Variants in TAMM41 observed in about 807,000 individuals in gnomAD.
TAMM41 encodes the protein phosphatidate cytidylyltransferase, mitochondrial.
A neutral mutation model predicts 44.1 loss-of-function variants in TAMM41; 36 were observed. The observed-to-expected ratio is 0.82, with a 90% CI of 0.63 to 1.08. The LOEUF is 1.08. Among genes scored for constraint, TAMM41 ranks in the 50% least tolerant of loss-of-function variants. TAMM41 has a pLI of 0.00. For missense variants in TAMM41, 417 were observed against 404.3 expected, an observed-to-expected ratio of 1.03 and a Z score of -0.27; for synonymous variants, 164 against 153.1, an observed-to-expected ratio of 1.07 and a Z score of -0.53.
chr3:11,816,851 G>A (rs550772404), intron 5 of TAMM41, among the ~76,000 whole-genome samples: 16 of 152,202 alleles, frequency 1.1e-4, no homozygotes, highest in Admixed American at 3.9e-4. Flanking sequence ...AAATGGGTCT[G>A]GGGATGGAAT....
the TAMM41 span, among the ~76,000 whole-genome samples, chr3:11,758,646 C>T: frequency 1.6e-4 from 24 of 152,044 alleles, no homozygotes; most frequent in South Asian, 4.2e-4. Context: ...CCACTGCACC[C>T]GGCCAGATCT....
At chr3:11,820,136 G>A (rs572083936) in intron 4 of TAMM41, among the ~76,000 whole-genome samples, 2 of 152,170 alleles carry the variant, frequency 1.3e-5, no homozygotes, top group Non-Finnish European at 2.9e-5. Context: ...TGTGAATGGA[G>A]TGGTGGCTGA....
the TAMM41 span, among the ~76,000 whole-genome samples, chr3:11,757,859 C>T: frequency 3.3e-5 from 5 of 152,316 alleles, no homozygotes; most frequent in Middle Eastern, 6.8e-3. Context: ...CCCTGAGCAG[C>T]TGCTCAGGAG....
chr3:11,770,393 C>T, the TAMM41 span, among the ~76,000 whole-genome samples: 7 of 152,166 alleles, frequency 4.6e-5, no homozygotes, highest in African/African-American at 1.7e-4. Context: ...CTGTCCAAGC[C>T]CCTTCCCCTT....
At chr3:11,815,467 G>A (rs1034956444) in intron 5 of TAMM41, among the ~76,000 whole-genome samples, 1 of 152,116 alleles carries the variant, frequency 6.6e-6, no homozygotes, top group Admixed American at 6.5e-5. Context: ...ACTGACCTAA[G>A]CAACTGAAAA....
the TAMM41 span, among the ~76,000 whole-genome samples, chr3:11,773,221 T>C: frequency 6.6e-6 from 1 of 152,026 alleles, no homozygotes; most frequent in Non-Finnish European, 1.5e-5. Flanking sequence ...CTTCCCAAAG[T>C]GCTGGGATTA....
At chr3:11,764,486 C>T in the TAMM41 span, among the ~76,000 whole-genome samples, 119 of 68,110 alleles carry the variant, frequency 1.7e-3, 1 homozygote, top group African/African-American at 4.0e-3. Flanking sequence ...TAATCTTATT[C>T]TTTTTTTTTT....
rs756475452 is a variant in TAMM41, at chr3:11,846,622, C to A, written c.15G>T (p.Thr5=). ...GGAAGGTCACCCACGAGCTCTGCAG[C>A]GTCTGCAGCGCCATGGGGTCGAGGC... The part of the protein sequence containing the change: MALQ[T]LQSSWVTFRK... Residue 5 remains threonine, a synonymous_variant, in exon 1 of 8, where the codon ACG becomes ACT. Coordinates refer to ENST00000455809, the MANE Select transcript of TAMM41 (RefSeq NM_001284401.2). 6.2e-7 allele frequency: 1 copy of A among 1,614,182 alleles called. No homozygotes were observed. The highest frequency in any genetic ancestry group is 1.1e-5 in the South Asian group (1 of 91,086).
chr3:11,748,416 G>C, the TAMM41 span, among the ~76,000 whole-genome samples: 1 of 151,858 alleles, frequency 6.6e-6, no homozygotes. Context: ...CGAGTAGCTG[G>C]AACTACAGGC....
chr3:11,806,660 A>G (rs1237018391), intron 7 of TAMM41, among the ~76,000 whole-genome samples: 2 of 152,154 alleles, frequency 1.3e-5, no homozygotes, highest in Non-Finnish European at 2.9e-5. Context: ...AACAGAGAAA[A>G]CAGATGGGAC....
chr3:11,803,813 A>G (rs1251021153), intron 7 of TAMM41, among the ~76,000 whole-genome samples: 7 of 152,238 alleles, frequency 4.6e-5, no homozygotes, highest in Non-Finnish European at 1.0e-4. Context: ...GGCCACGTGT[A>G]TAAGTGAAAT....
the TAMM41 span, among the ~76,000 whole-genome samples, chr3:11,736,553 C>A: frequency 1.4e-4 from 21 of 152,308 alleles, no homozygotes; most frequent in Admixed American, 9.8e-4. Flanking sequence ...GATAGGCCCA[C>A]TGTAGTGAGG....
the TAMM41 span, among the ~76,000 whole-genome samples, chr3:11,752,654 T>G: frequency 7.7e-6 from 1 of 129,754 alleles, no homozygotes; most frequent in Non-Finnish European, 1.6e-5. Context: ...TTTTTTTTTT[T>G]TGAGACAGGG....
intron 4 of TAMM41, among the ~76,000 whole-genome samples, chr3:11,821,621 T>C (rs2125002541): frequency 6.6e-6 from 1 of 152,340 alleles, no homozygotes; most frequent in African/African-American, 2.4e-5. Context: ...TATTAGAGAA[T>C]GCTTTGTAAG....
chr3:11,841,567 A>G (rs1390204565), intron 2 of TAMM41, among the ~76,000 whole-genome samples: 2 of 152,266 alleles, frequency 1.3e-5, no homozygotes, highest in Non-Finnish European at 2.9e-5. Flanking sequence ...GTCTTTTGGC[A>G]TATAATTATG....
intron 2 of TAMM41, among the ~76,000 whole-genome samples, chr3:11,842,413 A>C (rs915635922): frequency 8.2e-6 from 1 of 121,304 alleles, no homozygotes; most frequent in African/African-American, 3.1e-5. Context: ...AAAAAAAAAA[A>C]GCAGAACCTT....
At chr3:11,785,259 G>T in the TAMM41 span, among the ~76,000 whole-genome samples, 2 of 152,196 alleles carry the variant, frequency 1.3e-5, no homozygotes, top group African/African-American at 4.8e-5. Context: ...AGGAAGAGAA[G>T]TTCCTGGGTT....
intron 2 of TAMM41, 138 bp downstream of exon 2, chr3:11,843,891 T>C: frequency 1.2e-6 from 1 of 838,284 alleles, no homozygotes. Context: ...TATAAAAACA[T>C]ACATATTTCC....
At chr3:11,768,936 C>T in the TAMM41 span, among the ~76,000 whole-genome samples, 1 of 152,182 alleles carries the variant, frequency 6.6e-6, no homozygotes, top group African/African-American at 2.4e-5. Flanking sequence ...AAGAGATATT[C>T]AGACATTTGA....
Sources: gnomAD v4.1 joint callset for allele counts (sites outside exome capture counted in the v4.1 genomes callset) on GRCh38, gnomAD v4.1.1 for gene constraint, MANE v1.5 for transcripts, NCBI Gene and HGNC (gene_info 2026-07-23, HGNC 2026-07-21) for gene names.